The following ANTXR1 variants were observed in gnomAD, a reference collection of about 807,000 sequenced individuals.
The protein encoded by ANTXR1 is ANTXR cell adhesion molecule 1.
In ANTXR1, 19 loss-of-function variants were observed where a neutral mutation model predicts 78.1. The observed-to-expected ratio is 0.24, with a 90% confidence interval of 0.17 to 0.36. The LOEUF (loss-of-function observed/expected upper bound fraction) is 0.36. Ranked by LOEUF, ANTXR1 falls within the 10% of genes least tolerant of loss-of-function variation. The pLI, the probability that ANTXR1 is intolerant of heterozygous loss-of-function variation, is 1.00. For missense variants in ANTXR1, 518 were observed against 718.6 expected, an observed-to-expected ratio of 0.72 and a Z score of 3.19; for synonymous variants, 273 against 260.5, an observed-to-expected ratio of 1.05 and a Z score of -0.46.
intron 12 of ANTXR1, among the ~76,000 whole-genome samples, chr2:69,125,220 C>A (rs1350546708): frequency 1.3e-5 from 2 of 152,264 alleles, no homozygotes; most frequent in East Asian, 3.9e-4. Context: ...GATTGTGAGG[C>A]AAGAGCGGGG....
chr2:69,231,808 G>A (rs1362415822), intron 17 of ANTXR1, among the ~76,000 whole-genome samples: 1 of 152,102 alleles, frequency 6.6e-6, no homozygotes, highest in African/African-American at 2.4e-5. Flanking sequence ...CCAAAAACAG[G>A]AAGCAGAAAC....
chr2:69,069,244 GA>G (rs1670495094), intron 3 of ANTXR1, among the ~76,000 whole-genome samples: 1 of 152,022 alleles, frequency 6.6e-6, no homozygotes, highest in Middle Eastern at 3.2e-3. Flanking sequence ...AAATATGAGA[GA>G]AAAAGAGAGT....
chr2:69,169,904 A>G (rs1038481429), intron 13 of ANTXR1, among the ~76,000 whole-genome samples: 3 of 152,276 alleles, frequency 2.0e-5, no homozygotes, highest in African/African-American at 7.2e-5. Flanking sequence ...GGATGAATAA[A>G]TAATCTGATA....
chr2:69,239,949 C>T (rs949588487), intron 17 of ANTXR1, among the ~76,000 whole-genome samples: 6 of 152,190 alleles, frequency 3.9e-5, no homozygotes, highest in African/African-American at 1.2e-4. Flanking sequence ...ATAAAGCAAT[C>T]GAAGGTAACC....
At chr2:69,177,011 T>C (rs1674140808) in intron 14 of ANTXR1, among the ~76,000 whole-genome samples, 1 of 152,212 alleles carries the variant, frequency 6.6e-6, no homozygotes, top group African/African-American at 2.4e-5. Flanking sequence ...ACATCAAGTC[T>C]GTGGAGTTGT....
intron 17 of ANTXR1, among the ~76,000 whole-genome samples, chr2:69,238,337 G>T (rs747326480): frequency 6.6e-6 from 1 of 152,162 alleles, no homozygotes; most frequent in African/African-American, 2.4e-5. Context: ...TGAGGACAGG[G>T]ACCTCAACAT....
intron 13 of ANTXR1, among the ~76,000 whole-genome samples, chr2:69,169,264 T>A (rs1673911672): frequency 1.3e-5 from 2 of 152,240 alleles, no homozygotes; most frequent in African/African-American, 4.8e-5. Flanking sequence ...AGATAGGGAA[T>A]GAGCTTTGGA....
chr2:69,035,271 C>T (rs2104048213), intron 1 of ANTXR1, among the ~76,000 whole-genome samples: 1 of 152,194 alleles, frequency 6.6e-6, no homozygotes, highest in East Asian at 1.9e-4. Context: ...ACAGGTAAGC[C>T]TCCTGCCACT....
intron 1 of ANTXR1, among the ~76,000 whole-genome samples, chr2:69,023,516 A>AGAC (rs1671258253): frequency 1.2e-5 from 1 of 83,750 alleles, no homozygotes; most frequent in African/African-American, 1.0e-4. Flanking sequence ...GTGGAGGTGG[A>AGAC]GATGATGATG....
chr2:69,236,290 A>G (rs1237729714), intron 17 of ANTXR1, among the ~76,000 whole-genome samples: 4 of 152,168 alleles, frequency 2.6e-5, no homozygotes, highest in East Asian at 1.9e-4. Context: ...GTGTGTGTGT[A>G]TATATATGTG....
chr2:69,233,384 C>A (rs890129600), intron 17 of ANTXR1, among the ~76,000 whole-genome samples: 3 of 151,582 alleles, frequency 2.0e-5, no homozygotes, highest in African/African-American at 7.3e-5. Context: ...AATTTCAGAA[C>A]TTTTCAAAAG....
chr2:69,168,157 C>T (rs933093763), intron 13 of ANTXR1, among the ~76,000 whole-genome samples: 2 of 152,120 alleles, frequency 1.3e-5, no homozygotes, highest in African/African-American at 4.8e-5. Flanking sequence ...CTGGAAGCCA[C>T]CATGCAAAGG....
At chr2:69,177,722 T>G (rs1036909884) in intron 14 of ANTXR1, among the ~76,000 whole-genome samples, 7 of 152,080 alleles carry the variant, frequency 4.6e-5, no homozygotes, top group Admixed American at 6.5e-5. Context: ...CTGGCACAAA[T>G]CCAACTGCGC....
At chr2:69,137,270 C>T (rs1672936312) in intron 12 of ANTXR1, among the ~76,000 whole-genome samples, 1 of 152,126 alleles carries the variant, frequency 6.6e-6, no homozygotes, top group Admixed American at 6.5e-5. Flanking sequence ...AGATACTCCC[C>T]TCTGCACTTC....
At chr2:69,042,147 A>C (rs568188705) in intron 2 of ANTXR1, among the ~76,000 whole-genome samples, 1 of 152,344 alleles carries the variant, frequency 6.6e-6, no homozygotes, top group East Asian at 1.9e-4. Context: ...ATGCCAGTAC[A>C]AGTACATCAT....
intron 9 of ANTXR1, among the ~76,000 whole-genome samples, chr2:69,100,887 T>G (rs1459933794): frequency 6.6e-6 from 1 of 152,208 alleles, no homozygotes; most frequent in African/African-American, 2.4e-5. Context: ...TAAGCCCATC[T>G]TTCTAAACGT....
At chr2:69,174,728 G>T (rs1475277665) in intron 14 of ANTXR1, among the ~76,000 whole-genome samples, 1 of 152,180 alleles carries the variant, frequency 6.6e-6, no homozygotes, top group Non-Finnish European at 1.5e-5. Context: ...GGTGGATATT[G>T]CATGTGAATG....
At chr2:69,076,227 A>G (rs562427313) in intron 7 of ANTXR1, among the ~76,000 whole-genome samples, 1 of 152,056 alleles carries the variant, frequency 6.6e-6, no homozygotes, top group Non-Finnish European at 1.5e-5. Context: ...TCCTCCCAAC[A>G]TGGCCTCCTA....
At chr2:69,101,872 G>C (rs1195624033) in intron 9 of ANTXR1, among the ~76,000 whole-genome samples, 1 of 152,214 alleles carries the variant, frequency 6.6e-6, no homozygotes, top group African/African-American at 2.4e-5. Flanking sequence ...CTGACCATTA[G>C]ATACCAACAA....
Sources: allele counts gnomAD v4.1 joint callset (sites outside exome capture counted in the v4.1 genomes callset), GRCh38; gene constraint gnomAD v4.1.1; transcripts MANE v1.5; gene names NCBI Gene and HGNC (gene_info 2026-07-23, HGNC 2026-07-21).